CYP19A1: variants seen among roughly 807,000 people sequenced by gnomAD.
CYP19A1 encodes aromatase.
In CYP19A1, 32 loss-of-function variants were observed where a neutral mutation model predicts 44.4. The observed-to-expected ratio is 0.72, with a 90% CI of 0.54 to 0.97. The LOEUF (loss-of-function observed/expected upper bound fraction) is 0.97, where lower values mean the gene tolerates loss of function less well. CYP19A1 is among the 50% of genes least tolerant of loss of function. The pLI is 0.00. For missense variants in CYP19A1, 598 were observed against 637.8 expected (o/e 0.94, Z 0.67); for synonymous variants, 212 against 215.6 (o/e 0.98, Z 0.14).
At chr15:51,220,285 T>C (rs1009323574) in intron 5 of CYP19A1, among the ~76,000 whole-genome samples, 4 of 152,232 alleles carry the variant, frequency 2.6e-5, no homozygotes, top group African/African-American at 7.2e-5. Context: ...TCACTTCCTG[T>C]CCTCTTGCCC....
intron 1 of CYP19A1, among the ~76,000 whole-genome samples, chr15:51,334,271 A>G (rs2036744247): frequency 6.6e-6 from 1 of 152,222 alleles, no homozygotes; most frequent in Non-Finnish European, 1.5e-5. Context: ...GCATGGGTGA[A>G]CGTTGATGAG....
intron 1 of CYP19A1, among the ~76,000 whole-genome samples, chr15:51,262,203 G>A (rs1358840393): frequency 6.6e-6 from 1 of 152,214 alleles, no homozygotes; most frequent in Non-Finnish European, 1.5e-5. Context: ...TAACTAGCCA[G>A]AGCCCATCCC....
chr15:51,295,365 T>C (rs1019151469), intron 1 of CYP19A1, among the ~76,000 whole-genome samples: 1 of 152,172 alleles, frequency 6.6e-6, no homozygotes, highest in African/African-American at 2.4e-5. Flanking sequence ...CTTAGGATCC[T>C]CTATTACCCG....
chr15:51,337,688 G>A (rs2036799388), intron 1 of CYP19A1: 1 of 152,512 alleles, frequency 6.6e-6, no homozygotes, highest in African/African-American at 2.4e-5. Context: ...GATGGAGATA[G>A]GTCACTGTGT....
intron 6 of CYP19A1, 178 bp from the exon 7 acceptor site, chr15:51,215,995 C>T (rs2141044419): frequency 8.0e-7 from 1 of 1,252,032 alleles, no homozygotes; most frequent in Non-Finnish European, 1.1e-6. Context: ...ATAGACCCTA[C>T]ACTTCATGTT....
chr15:51,218,439 G>A (rs1045279211), intron 6 of CYP19A1, 102 bp downstream of exon 6: 12 of 1,504,636 alleles, frequency 8.0e-6, no homozygotes, highest in Non-Finnish European at 1.1e-5. Context: ...GGGCTCTAGA[G>A]AGCAGAAAAG....
At chr15:51,279,578 T>C (rs2035443504) in intron 1 of CYP19A1, among the ~76,000 whole-genome samples, 1 of 152,178 alleles carries the variant, frequency 6.6e-6, no homozygotes, top group Admixed American at 6.5e-5. Flanking sequence ...AAAAAAACAC[T>C]GACTTCCCCC....
intron 1 of CYP19A1, among the ~76,000 whole-genome samples, chr15:51,309,707 AT>A (rs1314811734): frequency 6.6e-6 from 1 of 152,224 alleles, no homozygotes; most frequent in Non-Finnish European, 1.5e-5. Flanking sequence ...GAGAGAAACA[AT>A]GATAGAAGTT....
intron 1 of CYP19A1, among the ~76,000 whole-genome samples, chr15:51,284,456 A>C (rs756922897): frequency 8.5e-5 from 13 of 152,346 alleles, no homozygotes; most frequent in Non-Finnish European, 1.6e-4. Flanking sequence ...ATGGCCAGGA[A>C]GGGACAATTC....
At chr15:51,236,056 C>G (rs2033373792) in intron 3 of CYP19A1, among the ~76,000 whole-genome samples, 1 of 152,082 alleles carries the variant, frequency 6.6e-6, no homozygotes, top group South Asian at 2.1e-4. Flanking sequence ...TTTAGTTAAC[C>G]ATAGAGCTAA....
chr15:51,306,563 ACCATCTCAAGGGC>A (rs1296510247), intron 1 of CYP19A1, among the ~76,000 whole-genome samples: 1 of 152,164 alleles, frequency 6.6e-6, no homozygotes, highest in African/African-American at 2.4e-5. Context: ...CTTTTCTTGC[ACCATCTCAAGGGC>A]CCTAAATCCC....
intron 5 of CYP19A1, 198 bp downstream of exon 5, chr15:51,222,147 TGCTG>T (rs748724462): frequency 1.1e-4 from 93 of 876,644 alleles, no homozygotes; most frequent in Non-Finnish European, 1.5e-4. Flanking sequence ...GGCTAGTAGA[TGCTG>T]GCCCCTACTT....
chr15:51,240,232 T>G (rs895675255), intron 2 of CYP19A1, among the ~76,000 whole-genome samples: 1 of 152,096 alleles, frequency 6.6e-6, no homozygotes, highest in African/African-American at 2.4e-5. Flanking sequence ...CACATCCTCC[T>G]GCCCCTAAGC....
intron 3 of CYP19A1, among the ~76,000 whole-genome samples, chr15:51,229,089 G>A (rs2032819889): frequency 6.6e-6 from 1 of 152,130 alleles, no homozygotes; most frequent in Non-Finnish European, 1.5e-5. Flanking sequence ...CGCTGCTCTG[G>A]TTCAATGTAT....
intron 1 of CYP19A1, among the ~76,000 whole-genome samples, chr15:51,290,374 A>C (rs1238883024): frequency 2.6e-5 from 4 of 152,202 alleles, no homozygotes; most frequent in Non-Finnish European, 4.4e-5. Context: ...AAAGTGGAAA[A>C]AGAATGCCTT....
intron 4 of CYP19A1, among the ~76,000 whole-genome samples, chr15:51,226,875 T>C (rs906509311): frequency 1.3e-5 from 2 of 152,056 alleles, no homozygotes; most frequent in African/African-American, 4.8e-5. Context: ...AATCATAACT[T>C]CGTTGGAACT....
chr15:51,267,598 C>G (rs1303377674), intron 1 of CYP19A1, among the ~76,000 whole-genome samples: 1 of 152,154 alleles, frequency 6.6e-6, no homozygotes, highest in African/African-American at 2.4e-5. Flanking sequence ...GGTGGGGGCC[C>G]AGAACCTGTC....
intron 1 of CYP19A1, among the ~76,000 whole-genome samples, chr15:51,313,566 G>T (rs1237169748): frequency 6.6e-6 from 1 of 152,226 alleles, no homozygotes; most frequent in Non-Finnish European, 1.5e-5. Flanking sequence ...GGAGGCTGAG[G>T]TGGGGGGATC....
intron 1 of CYP19A1, among the ~76,000 whole-genome samples, chr15:51,305,550 T>TTG: frequency 6.6e-6 from 1 of 151,884 alleles, no homozygotes; most frequent in East Asian, 1.9e-4. Context: ...GATAATAAAT[T>TTG]TGTGTGTGTG....
Sources: gnomAD v4.1 joint callset for allele counts (sites outside exome capture counted in the v4.1 genomes callset) on GRCh38, gnomAD v4.1.1 for gene constraint, MANE v1.5 for transcripts, NCBI Gene and HGNC (gene_info 2026-07-23, HGNC 2026-07-21) for gene names.